LIN7A: variants seen among roughly 807,000 people sequenced by gnomAD.
LIN7A encodes lin-7 cell polarity scaffold A, also known as protein lin-7 homolog A.
A neutral mutation model predicts 29.8 loss-of-function variants in LIN7A; 25 were observed. That is an observed-to-expected ratio of 0.84 (90% CI 0.61 to 1.17). The LOEUF is 1.17. Ranked by LOEUF, LIN7A falls within the 50% of genes most tolerant of loss-of-function variation. LIN7A has a pLI of 0.00. For missense variants in LIN7A, 239 were observed against 287.0 expected (o/e 0.83, Z 1.21); for synonymous variants, 118 against 107.5 (o/e 1.10, Z -0.60).
chr12:80,931,456 C>CA (rs1476540281), intron 1 of LIN7A, among the ~76,000 whole-genome samples: 2 of 151,972 alleles, frequency 1.3e-5, no homozygotes, highest in African/African-American at 4.8e-5. Flanking sequence ...GCCTGGCCAA[C>CA]ATGGCAAAAA....
intron 4 of LIN7A, among the ~76,000 whole-genome samples, chr12:80,823,393 C>T (rs1433679931): frequency 6.6e-6 from 1 of 152,208 alleles, no homozygotes; most frequent in African/African-American, 2.4e-5. Context: ...CCACTGCAGT[C>T]CCTGGTGCCA....
intron 1 of LIN7A, among the ~76,000 whole-genome samples, chr12:80,904,951 G>C (rs12300669): frequency 6.6e-6 from 1 of 151,878 alleles, no homozygotes; most frequent in African/African-American, 2.4e-5. Context: ...TCAGCAATTA[G>C]TTTTTTGAAA....
At chr12:80,912,664 G>A (rs571034388) in intron 1 of LIN7A, among the ~76,000 whole-genome samples, 64 of 147,348 alleles carry the variant, frequency 4.3e-4, no homozygotes, top group East Asian at 4.1e-4. Flanking sequence ...GCAGTGACCC[G>A]AGATCGCGTC....
At chr12:80,902,119 C>T (rs542305435) in intron 1 of LIN7A, among the ~76,000 whole-genome samples, 1 of 152,038 alleles carries the variant, frequency 6.6e-6, no homozygotes, top group South Asian at 2.1e-4. Context: ...GAGTGTCTTT[C>T]CCCCATTGCT....
At chr12:80,848,048 C>T (rs1449559465) in intron 3 of LIN7A, 1 of 671,790 alleles carries the variant, frequency 1.5e-6, no homozygotes, top group East Asian at 2.9e-5. Flanking sequence ...ATTCTCCTTT[C>T]TTAAGCTACA....
chr12:80,889,915 A>T (rs771513796), intron 1 of LIN7A, among the ~76,000 whole-genome samples: 10 of 151,910 alleles, frequency 6.6e-5, no homozygotes, highest in Non-Finnish European at 1.2e-4. Context: ...CACTTTTTCC[A>T]TTTCACTGCC....
chr12:80,932,069 A>AT (rs1204498884), intron 1 of LIN7A, among the ~76,000 whole-genome samples: 1 of 152,228 alleles, frequency 6.6e-6, no homozygotes, highest in African/African-American at 2.4e-5. Context: ...GCAAATACAG[A>AT]TTTTATAAAA....
Position 80,857,917 on chromosome 12 carries a change from A to T in LIN7A, c.202-9595T>A, listed in dbSNP as rs1462541306. On this transcript the variant is annotated intron_variant, in intron 2 of 5. Coordinates refer to ENST00000552864, the MANE Select transcript of LIN7A (RefSeq NM_004664.4). ...CCAGCACTCTACCTCTTAAATGATG[A>T]GTAAAGGATGGGGAGACCCTCTAGG... 5.3e-5 allele frequency among the ~76,000 whole-genome samples: 8 copies of T among 152,324 alleles called. No individual in the cohort carries two copies. The East Asian group carries it at 1.5e-3, about 29-fold the overall frequency.
intron 1 of LIN7A, among the ~76,000 whole-genome samples, chr12:80,920,381 G>C (rs2120868274): frequency 6.6e-6 from 1 of 152,232 alleles, no homozygotes; most frequent in East Asian, 1.9e-4. Context: ...AGGTAAAATT[G>C]GTAGCAATAA....
chr12:80,853,062 A>C (rs1185694906), intron 2 of LIN7A, among the ~76,000 whole-genome samples: 1 of 152,212 alleles, frequency 6.6e-6, no homozygotes, highest in Non-Finnish European at 1.5e-5. Flanking sequence ...TTCTAAGTGC[A>C]TGCAAAACAC....
chr12:80,807,066 T>TATTTTTTG (rs1871034205), intron 5 of LIN7A, among the ~76,000 whole-genome samples: 1 of 50,140 alleles, frequency 2.0e-5, no homozygotes, highest in Non-Finnish European at 4.0e-5. Flanking sequence ...AGATGGAGTT[T>TATTTTTTG]TTTTTTTTTT....
chr12:80,869,859 C>A (rs960284150), intron 2 of LIN7A, among the ~76,000 whole-genome samples: 2 of 151,710 alleles, frequency 1.3e-5, no homozygotes, highest in African/African-American at 4.8e-5. Flanking sequence ...CATGACTTAC[C>A]CTAACAGTGT....
rs1020426455 is a variant in LIN7A, at chr12:80,799,022, G to A, written c.*1-1296C>T. 2.6e-5 allele frequency among the ~76,000 whole-genome samples: 4 copies of A among 152,246 alleles called. No individual in the cohort carries two copies. In the East Asian group the frequency reaches 5.8e-4, roughly 22 times the overall value. The stretch of plus-strand genomic sequence containing the variant: ...GCTGGGATTACAGGTGTGAGCCACC[G>A]TGCCTGGCCTAGAGGCTGAGTTCTT... On this transcript the variant is annotated intron_variant, in intron 5 of 5. Transcript: ENST00000552864.
intron 2 of LIN7A, among the ~76,000 whole-genome samples, chr12:80,870,671 G>C (rs142404607): frequency 1.0e-3 from 154 of 152,260 alleles, no homozygotes; most frequent in African/African-American, 3.5e-3. Flanking sequence ...GACCACAAAG[G>C]GGTAGACAAA....
chr12:80,833,900 C>T, intron 4 of LIN7A, among the ~76,000 whole-genome samples: 1 of 152,154 alleles, frequency 6.6e-6, no homozygotes, highest in Admixed American at 6.5e-5. Context: ...CAATAACCGG[C>T]TAGAATTGTA....
intron 1 of LIN7A, among the ~76,000 whole-genome samples, chr12:80,935,484 G>A (rs1211511725): frequency 1.3e-5 from 2 of 152,210 alleles, no homozygotes; most frequent in African/African-American, 4.8e-5. Context: ...GCTGATGTAT[G>A]CAGAGTGAGT....
intron 2 of LIN7A, among the ~76,000 whole-genome samples, chr12:80,883,474 A>G (rs780772812): frequency 1.2e-3 from 184 of 152,338 alleles, no homozygotes; most frequent in Non-Finnish European, 4.7e-4. Context: ...TGGTGGGATA[A>G]TGAATATAAA....
chr12:80,899,890 C>T (rs1310017846), intron 1 of LIN7A, among the ~76,000 whole-genome samples: 7 of 150,348 alleles, frequency 4.7e-5, no homozygotes, highest in Admixed American at 1.3e-4. Flanking sequence ...GCCTCAGCCT[C>T]CCGAGTAGCT....
rs929026269 is a variant in LIN7A, at chr12:80,927,155, C to CTTTTTTTTTTTTT, written c.82+10473_82+10485dup. Reference sequence around the variant, plus strand: ...CAGTAAACTATTTTCTTTTCTTTTTCTTTTTTTTTTTTTTTTTTTTTTTTG... The same window carrying CTTTTTTTTTTTTT: ...CAGTAAACTATTTTCTTTTCTTTTTCTTTTTTTTTTTTTTTTTTTTTTTTTTTTTTTTTTTTTG... On this transcript the variant is annotated intron_variant, in intron 1 of 5. Coordinates refer to ENST00000552864, the MANE Select transcript of LIN7A (RefSeq NM_004664.4). Among the ~76,000 whole-genome samples, 109 of 75,536 alleles carry CTTTTTTTTTTTTT rather than the reference C, an allele frequency of 1.4e-3. 1 individual carries two copies. The highest frequency in any genetic ancestry group is 2.6e-3 in the African/African-American group (47 of 18,214). 49.6% of individuals were successfully genotyped at this position (75,536 alleles called of 152,430 possible). A position where few individuals can be genotyped will look rare whatever the true frequency, so the allele number is the denominator to read the frequency against.
Sources: gnomAD v4.1 joint callset for allele counts (sites outside exome capture counted in the v4.1 genomes callset) on GRCh38, gnomAD v4.1.1 for gene constraint, MANE v1.5 for transcripts, NCBI Gene and HGNC (gene_info 2026-07-23, HGNC 2026-07-21) for gene names.